The following LUZP1 variants were observed in gnomAD, a reference collection of about 807,000 sequenced individuals.
The protein encoded by LUZP1 is filamin mechanobinding actin cross-linking protein.
In LUZP1, 25 loss-of-function variants were observed where a neutral mutation model predicts 71.3. The observed-to-expected ratio is 0.35, with a 90% CI of 0.26 to 0.49. The LOEUF is 0.49. LUZP1 is among the 20% of genes least tolerant of loss of function. The probability of loss-of-function intolerance (pLI) is 0.99; values close to 1 mark genes in which losing one functional copy is unlikely to be tolerated. For missense variants in LUZP1, 1,142 were observed against 1,300.8 expected, an observed-to-expected ratio of 0.88 and a Z score of 1.88; for synonymous variants, 481 against 506.4, an observed-to-expected ratio of 0.95 and a Z score of 0.67.
chr1:23,105,072 C>T (rs1643969865), intron 3 of LUZP1, among the ~76,000 whole-genome samples: 1 of 152,178 alleles, frequency 6.6e-6, no homozygotes. Flanking sequence ...CTGTATTGGA[C>T]AAAGGGATTA....
chr1:23,162,427 A>G (rs1203741663), intron 2 of LUZP1, among the ~76,000 whole-genome samples: 2 of 151,742 alleles, frequency 1.3e-5, no homozygotes, highest in East Asian at 3.9e-4. Context: ...GTTTTTAATA[A>G]CGTAATATAC....
chr1:23,156,023 G>T (rs772318127), intron 2 of LUZP1, among the ~76,000 whole-genome samples: 1 of 152,208 alleles, frequency 6.6e-6, no homozygotes, highest in Non-Finnish European at 1.5e-5. Flanking sequence ...GAAAAATGCT[G>T]TCAGACCAAG....
chr1:23,175,757 G>A (rs1296460143), intron 1 of LUZP1, among the ~76,000 whole-genome samples: 1 of 152,174 alleles, frequency 6.6e-6, no homozygotes, highest in Non-Finnish European at 1.5e-5. Context: ...GGAGAAACAG[G>A]ACAACATTAA....
At chr1:23,090,978 T>A in intron 4 of LUZP1, 1 of 720,062 alleles carries the variant, frequency 1.4e-6, no homozygotes, top group Non-Finnish European at 2.6e-6. Flanking sequence ...GACAACAAAT[T>A]GGAAAAGGGA....
At chr1:23,101,282 G>C (rs746019364) in intron 3 of LUZP1, among the ~76,000 whole-genome samples, 13 of 152,154 alleles carry the variant, frequency 8.5e-5, no homozygotes, top group Non-Finnish European at 1.2e-4. Flanking sequence ...AAAATGCTTA[G>C]CAGAATACCT....
chr1:23,091,767 G>A (rs1643858979), exon 4 of LUZP1: 2 of 1,614,044 alleles, frequency 1.2e-6, no homozygotes, highest in East Asian at 2.2e-5. Context: ...GCTAACTGAT[G>A]TGAGCTCTGC....
chr1:23,134,502 G>C (rs1644238480), intron 2 of LUZP1, among the ~76,000 whole-genome samples: 1 of 151,914 alleles, frequency 6.6e-6, no homozygotes, highest in African/African-American at 2.4e-5. Context: ...AACAAGGCCA[G>C]GTGTGGTGAC....
At chr1:23,146,963 G>A (rs1644347702) in intron 2 of LUZP1, among the ~76,000 whole-genome samples, 1 of 151,894 alleles carries the variant, frequency 6.6e-6, no homozygotes, top group Non-Finnish European at 1.5e-5. Flanking sequence ...CAGGTGTGGT[G>A]GCGGGCAGCT....
chr1:23,162,289 G>T (rs915545707), intron 2 of LUZP1, among the ~76,000 whole-genome samples: 2 of 151,986 alleles, frequency 1.3e-5, no homozygotes, highest in African/African-American at 4.8e-5. Flanking sequence ...CTAGGTACTG[G>T]TAACGCTGTT....
At chr1:23,104,167 C>T (rs1643960383) in intron 3 of LUZP1, among the ~76,000 whole-genome samples, 1 of 151,536 alleles carries the variant, frequency 6.6e-6, no homozygotes, top group Non-Finnish European at 1.5e-5. Flanking sequence ...CGATGGTAAA[C>T]ATCTTTTTTT....
chr1:23,160,919 G>A (rs1167841902), intron 2 of LUZP1, among the ~76,000 whole-genome samples: 1 of 152,190 alleles, frequency 6.6e-6, no homozygotes, highest in Non-Finnish European at 1.5e-5. Context: ...ATGAACACAA[G>A]GTGGTACTGG....
At position 23,093,245 on chromosome 1, in the gene LUZP1, TTGGC is replaced by T; in HGVS notation, c.1013_1016del (p.Ser338AsnfsTer5). The T allele has an allele frequency of 6.2e-7, 1 of 1,613,846 alleles. No individual in the cohort carries two copies. The highest frequency in any genetic ancestry group is 8.5e-7 in the Non-Finnish European group (1 of 1,179,952). ...TGATTTGTAGCTTTATCTCCTCCAG[TTGGC>T]TGGCTAATAATTTGTTTTTATTTTG... is the stretch of plus-strand genomic sequence containing the variant. On this transcript the variant is annotated frameshift_variant, in exon 4 of 5. Transcript: ENST00000302291. LOFTEE classifies it high-confidence loss of function. This position sits in a 1 kb window ranked among gnomAD's most constrained non-coding sequence, Gnocchi z 4.2.
At chr1:23,113,708 C>T (rs1485191169) in intron 2 of LUZP1, among the ~76,000 whole-genome samples, 8 of 151,552 alleles carry the variant, frequency 5.3e-5, no homozygotes, top group Non-Finnish European at 7.4e-5. Flanking sequence ...GGTGAAACCC[C>T]GTCTCTACTA....
At chr1:23,104,673 G>A (rs553624623) in intron 3 of LUZP1, among the ~76,000 whole-genome samples, 20 of 152,164 alleles carry the variant, frequency 1.3e-4, no homozygotes, top group Non-Finnish European at 2.4e-4. Flanking sequence ...TCAGTCCTGG[G>A]CACTGAATAC....
At chr1:23,129,845 A>C (rs1053224475) in intron 2 of LUZP1, among the ~76,000 whole-genome samples, 22 of 152,188 alleles carry the variant, frequency 1.4e-4, no homozygotes, top group African/African-American at 5.3e-4. Context: ...CCAGAATCAC[A>C]ATGGCATTGT....
chr1:23,087,874 G>A (rs1287681530), exon 5 of LUZP1: 1 of 152,668 alleles, frequency 6.6e-6, no homozygotes, highest in African/African-American at 2.4e-5. Context: ...GCATCAGCTT[G>A]GTAAAGTGCG....
At chr1:23,160,586 T>TAATAAA (rs1557692265) in intron 2 of LUZP1, among the ~76,000 whole-genome samples, 1 of 152,184 alleles carries the variant, frequency 6.6e-6, no homozygotes, top group South Asian at 2.1e-4. Context: ...GAGAAAATAC[T>TAATAAA]AAGCAGGATT....
At chr1:23,098,308 TTGTTGGAGTA>T (rs1359998930) in intron 3 of LUZP1, among the ~76,000 whole-genome samples, 5 of 152,176 alleles carry the variant, frequency 3.3e-5, no homozygotes, top group Non-Finnish European at 7.3e-5. Flanking sequence ...ACTTGAAGGC[TTGTTGGAGTA>T]AGGGTACCAG....
At chr1:23,172,220 T>A (rs1644556535) in intron 1 of LUZP1, among the ~76,000 whole-genome samples, 1 of 152,196 alleles carries the variant, frequency 6.6e-6, no homozygotes, top group African/African-American at 2.4e-5. Flanking sequence ...AATAGATTTG[T>A]ATGATTGGAC....
Sources: allele counts gnomAD v4.1 joint callset (sites outside exome capture counted in the v4.1 genomes callset), GRCh38; gene constraint gnomAD v4.1.1; non-coding constraint Gnocchi (gnomAD v3.1); transcripts MANE v1.5; gene names NCBI Gene and HGNC (gene_info 2026-07-23, HGNC 2026-07-21).